Variants in KLK14 observed in about 807,000 individuals in gnomAD.
KLK14 encodes the protein kallikrein-14.
Under a neutral mutation model 24.6 loss-of-function variants are expected in KLK14, and 21 were observed. That is an observed-to-expected ratio of 0.85 (90% confidence interval 0.61 to 1.23). The LOEUF (loss-of-function observed/expected upper bound fraction) is 1.23, where lower values mean the gene tolerates loss of function less well. Ranked by LOEUF, KLK14 falls within the 50% of genes most tolerant of loss-of-function variation. The pLI is 0.00. For synonymous variants in KLK14, 133 were observed against 139.7 expected, an observed-to-expected ratio of 0.95 and a Z score of 0.34; for missense variants, 320 against 338.9, an observed-to-expected ratio of 0.94 and a Z score of 0.44.
rs905342361 is a variant in KLK14, at chr19:51,078,689, G to A, written c.603+126C>T. The stretch of plus-strand genomic sequence containing the variant: ...TAGGAAGCAGGGTGGCCTGGCTATC[G>A]GAATCTCTCTGTGCCTGCGGTTCAC... On this transcript the variant is annotated intron_variant, in intron 5 of 5. Transcript: ENST00000650543. This position sits in a 1 kb window ranked among gnomAD's most constrained non-coding sequence, Gnocchi z 5.0. The A allele has an allele frequency of 2.2e-5, 29 of 1,294,784 alleles. No homozygotes were observed. The highest frequency in any genetic ancestry group is 1.2e-4 in the African/African-American group (8 of 67,052). 80.2% of individuals were successfully genotyped at this position (1,294,784 alleles called of 1,614,324 possible).
rs774654672 is a variant in KLK14, at chr19:51,081,613, G to C, written c.131C>G (p.Ala44Gly). The C allele has an allele frequency of 6.4e-7, 1 of 1,551,244 alleles. No homozygotes were observed. Among genetic ancestry groups the C allele is most frequent in the South Asian group, 1.2e-5 (1 of 83,996 alleles). Residue 44 changes from alanine (A) to glycine (G), a missense_variant, in exon 3 of 6, where the codon GCG (alanine) becomes GGG (glycine). By Grantham distance (60) the Ala-to-Gly change is moderately conservative. Coordinates refer to ENST00000650543, the MANE Select transcript of KLK14 (RefSeq NM_001369775.2). Reference protein sequence around the residue: ...SSQPWQAALLAGPRRRFLCGG... With the variant: ...SSQPWQAALLGGPRRRFLCGG... ...GCAGAGGAAGCGGCGCCTGGGACCC[G>C]CCAGCAGGGCCGCCTGCCACGGCTG...
At chr19:51,081,345 G>C (rs182065517) in intron 3 of KLK14, among the ~76,000 whole-genome samples, 187 bp downstream of exon 3, 37 of 152,036 alleles carry the variant, frequency 2.4e-4, no homozygotes, top group Admixed American at 1.2e-3. Context: ...AACCTATGCT[G>C]AGTTCGAGAT....
In KLK14 at chr19:51,078,108, A is replaced by G; in HGVS notation, c.655T>C (p.Ser219Pro). Reference protein sequence around the residue: ...VCRGQLQGLVSWGMERCALPG... With the variant: ...VCRGQLQGLVPWGMERCALPG... ...AGGGCGCAGCGCTCCATTCCCCAAG[A>G]CACGAGGCCCTGGAGCTGTCCTCTG... Residue 219 changes from serine to proline, a missense_variant, in exon 6 of 6, where the codon TCT (serine) becomes CCT (proline). By Grantham distance (74) the Ser-to-Pro change is moderately conservative (BLOSUM62 -1). Transcript: ENST00000650543. The surrounding 1 kb of genome is among the most constrained non-coding windows in gnomAD (Gnocchi z 5.0). 6.2e-7 allele frequency: 1 copy of G among 1,613,930 alleles called. No individual in the cohort carries two copies. Among genetic ancestry groups the G allele is most frequent in the Non-Finnish European group, 8.5e-7 (1 of 1,179,880 alleles).
At chr19:51,080,891 T>C (rs1161612849) in intron 3 of KLK14, among the ~76,000 whole-genome samples, 2 of 152,156 alleles carry the variant, frequency 1.3e-5, no homozygotes, top group Non-Finnish European at 2.9e-5. Flanking sequence ...CAGGCTGGTC[T>C]CGAACTCCTG....
downstream of KLK14, among the ~76,000 whole-genome samples, chr19:51,077,702 A>G (rs1160638923): frequency 3.9e-5 from 2 of 50,760 alleles, no homozygotes; most frequent in African/African-American, 6.7e-5. Context: ...CTGAGGGAGG[A>G]GGGGCTGGGG....
At position 51,078,300 on chromosome 19, in the gene KLK14, G is replaced by A. The variant is rs191557700; in HGVS notation, c.604-141C>T. ...AGGGACACAGTCCTGCCCCAGCTCT[G>A]AGGTCTCAGCCCCGGAGGTCGGGGC... On this transcript the variant is annotated intron_variant, in intron 5 of 5. Coordinates refer to ENST00000650543, the MANE Select transcript of KLK14 (RefSeq NM_001369775.2). The surrounding 1 kb of genome is among the most constrained non-coding windows in gnomAD (Gnocchi z 5.0). 66 of 927,080 alleles carry A rather than the reference G, an allele frequency of 7.1e-5. No homozygotes were observed. In the African/African-American group the frequency reaches 7.2e-4, roughly 10 times the overall value. 57.4% of individuals were successfully genotyped at this position (927,080 alleles called of 1,614,324 possible).
At position 51,079,500 on chromosome 19, in the gene KLK14, G is replaced by A. The variant is rs775639051; in HGVS notation, c.415C>T (p.Pro139Ser). Residue 139 changes from proline to serine, a missense_variant, in exon 4 of 6, where the codon CCC becomes TCC. Physicochemically the swap from Pro to Ser is moderately conservative, Grantham distance 74. Transcript: ENST00000650543. Reference protein sequence around the residue: ...PIEVTQACASPGTSCRVSGWG... With the variant: ...PIEVTQACASSGTSCRVSGWG... ...CCTGACACTCGGCAGGAGGTCCCGG[G>A]GCTGGCACAGGCCTGGGTGACCTCA... is the stretch of plus-strand genomic sequence containing the variant. 5.0e-6 allele frequency: 8 copies of A among 1,613,632 alleles called. No individual in the cohort carries two copies. The African/African-American group carries it at 5.3e-5, about 11-fold the overall frequency.
upstream of KLK14, among the ~76,000 whole-genome samples, chr19:51,083,303 G>GAGAC (rs1568599461): frequency 2.2e-4 from 33 of 150,754 alleles, no homozygotes; most frequent in African/African-American, 7.8e-4. Context: ...GAGAGAGAGA[G>GAGAC]AGAGAGAGAC....
intron 1 of KLK14, 38 bp from the exon 2 acceptor site, chr19:51,082,674 T>G: frequency 6.2e-7 from 1 of 1,614,080 alleles, no homozygotes; most frequent in Non-Finnish European, 8.5e-7. Context: ...AGAAGGAACC[T>G]TCAACAGAAC....
upstream of KLK14, chr19:51,082,966 T>C: frequency 1.7e-6 from 1 of 604,750 alleles, no homozygotes; most frequent in Non-Finnish European, 2.9e-6. Context: ...GCCCTGCTTC[T>C]GACATTTTTT....
In KLK14 at chr19:51,081,678, C is replaced by T. The variant is rs1426743165; in HGVS notation, c.66G>A (p.Glu22=). 1 of 1,551,092 alleles carries T rather than the reference C, an allele frequency of 6.4e-7. No individual in the cohort carries two copies. Among genetic ancestry groups the T allele is most frequent in the Non-Finnish European group, 8.7e-7 (1 of 1,146,062 alleles). ...ACGTATGGCCACCAATTATCTTGTT[C>T]TCATCCTCTTGGCTCTGTGTCATGG... ...AIAMTQSQED[E]NKIIGGHTCT... is the part of the protein sequence containing the mutation. The change falls in exon 3 of 6, where the codon GAG becomes GAA. Residue 22 remains glutamate, a synonymous_variant. Coordinates refer to ENST00000650543, the MANE Select transcript of KLK14 (RefSeq NM_001369775.2).
rs1359352031 is a variant in KLK14, at chr19:51,082,483, C to T, written c.40+92G>A. ...CTCCCTGCTCTTTCTTATGAGGTCA[C>T]CATGAGCATCCAGGGGCCCCAAGGA... On this transcript the variant is annotated intron_variant, in intron 2 of 5. Coordinates refer to ENST00000650543, the MANE Select transcript of KLK14 (RefSeq NM_001369775.2). 6.0e-6 allele frequency: 7 copies of T among 1,171,136 alleles called. No homozygotes were observed. In the Admixed American group the frequency reaches 9.4e-5, roughly 16 times the overall value. The allele number at this position is 1,171,136 out of a possible 1,614,324, so 72.5% of individuals were successfully genotyped here.
chr19:51,081,444 T>A, intron 3 of KLK14, 88 bp downstream of exon 3: 1 of 1,264,672 alleles, frequency 7.9e-7, no homozygotes, highest in Non-Finnish European at 1.0e-6. Flanking sequence ...CATTGGGTTC[T>A]ATACAGAGAT....
intron 4 of KLK14, 56 bp downstream of exon 4, chr19:51,079,393 G>A (rs919412371): frequency 1.3e-5 from 19 of 1,505,448 alleles, no homozygotes; most frequent in African/African-American, 1.1e-4. Context: ...TCCACCTCCT[G>A]GAGACCCAGG....
upstream of KLK14, among the ~76,000 whole-genome samples, chr19:51,083,385 GGA>G (rs147284214): frequency 0.29 from 39,113 of 135,638 alleles, 6,041 homozygotes; most frequent in African/African-American, 0.5. Context: ...GTGACGGGGG[GGA>G]GAGAGAGAGA....
At chr19:51,079,791 G>A (rs1268777127) in intron 3 of KLK14, 89 bp from the exon 4 acceptor site, 13 of 1,476,140 alleles carry the variant, frequency 8.8e-6, no homozygotes, top group East Asian at 5.0e-5. Context: ...GCCGGGTGAC[G>A]AGTCTTCCCC....
At position 51,082,746 on chromosome 19, in the gene KLK14, A is replaced by T. The variant is rs1318729894; in HGVS notation, c.-47T>A. ...CCCAGAGCCCAAGACCCTCAGGGAC[A>T]TGAAGACACAGCAGAGAGGTAGGGA... On this transcript the variant is annotated 5_prime_UTR_variant, in exon 1 of 6. The change abolishes an upstream ATG in the 5' untranslated region. Coordinates refer to ENST00000650543, the MANE Select transcript of KLK14 (RefSeq NM_001369775.2). 24 of 1,613,702 alleles carry T rather than the reference A, an allele frequency of 1.5e-5. No homozygotes were observed. The highest frequency in any genetic ancestry group is 4.0e-5 in the African/African-American group (3 of 74,918).
At position 51,079,376 on chromosome 19, in the gene KLK14, C is replaced by T; in HGVS notation, c.466+73G>A. 2.1e-6 allele frequency: 3 copies of T among 1,454,690 alleles called. No homozygotes were observed. The South Asian group carries it at 4.0e-5, about 19-fold the overall frequency. The allele number at this position is 1,454,690 out of a possible 1,614,324, so 90.1% of individuals were successfully genotyped here. On this transcript the variant is annotated intron_variant, in intron 4 of 5. Transcript: ENST00000650543. ...CCCTCAGACCCAGGAGCCCCAGTCC[C>T]CCCAGCTCCACCTCCTGGAGACCCA...
At chr19:51,077,600 T>G (rs62114141), downstream of KLK14, 7 of 147,940 alleles carry the variant, frequency 4.7e-5, no homozygotes, top group Non-Finnish European at 9.4e-5. Context: ...GAGGAGGGGC[T>G]GGGCCTGGAC....
Sources: gnomAD v4.1 joint callset for allele counts (sites outside exome capture counted in the v4.1 genomes callset) on GRCh38, gnomAD v4.1.1 for gene constraint, Gnocchi (gnomAD v3.1) non-coding constraint, MANE v1.5 for transcripts, NCBI Gene and HGNC (gene_info 2026-07-23, HGNC 2026-07-21) for gene names.